Variants in GALNTL6 observed in about 807,000 individuals in gnomAD.
GALNTL6 encodes the protein polypeptide N-acetylgalactosaminyltransferase-like 6.
Under a neutral mutation model 73.7 loss-of-function variants are expected in GALNTL6, and 46 were observed. The observed-to-expected ratio is 0.62, with a 90% confidence interval of 0.49 to 0.80. The LOEUF (loss-of-function observed/expected upper bound fraction) is 0.80, where lower values mean the gene tolerates loss of function less well. Among genes scored for constraint, GALNTL6 ranks in the 30% least tolerant of loss-of-function variants. The probability of loss-of-function intolerance (pLI) is 0.00; values close to 1 mark genes in which losing one functional copy is unlikely to be tolerated. For missense variants in GALNTL6, 604 were observed against 755.0 expected (o/e 0.80, Z 2.34); for synonymous variants, 259 against 263.7 (o/e 0.98, Z 0.17).
intron 5 of GALNTL6, among the ~76,000 whole-genome samples, chr4:172,639,607 A>G (rs1389978446): frequency 1.3e-5 from 2 of 152,026 alleles, no homozygotes; most frequent in Admixed American, 6.6e-5. Flanking sequence ...CTAGTTCATT[A>G]TTACTTTACA....
intron 2 of GALNTL6, among the ~76,000 whole-genome samples, chr4:171,976,804 C>G (rs890348169): frequency 6.6e-6 from 1 of 152,116 alleles, no homozygotes; most frequent in Non-Finnish European, 1.5e-5. Flanking sequence ...AGATGTCATT[C>G]ATAACATGAA....
At chr4:172,276,027 C>A (rs1392951644) in intron 3 of GALNTL6, among the ~76,000 whole-genome samples, 1 of 152,136 alleles carries the variant, frequency 6.6e-6, no homozygotes, top group Non-Finnish European at 1.5e-5. Context: ...TTGCTTAATG[C>A]AATAGTTATA....
chr4:171,985,478 G>A (rs2111086542), intron 2 of GALNTL6, among the ~76,000 whole-genome samples: 1 of 152,292 alleles, frequency 6.6e-6, no homozygotes, highest in South Asian at 2.1e-4. Context: ...AGATTTGGGT[G>A]AGGACACAGC....
chr4:172,937,755 C>G (rs563775230), intron 9 of GALNTL6, among the ~76,000 whole-genome samples: 1 of 152,162 alleles, frequency 6.6e-6, no homozygotes, highest in Non-Finnish European at 1.5e-5. Flanking sequence ...GCCAGAATAT[C>G]ATGAGGATGA....
chr4:172,467,679 T>C (rs756644737), intron 5 of GALNTL6, among the ~76,000 whole-genome samples: 2 of 152,178 alleles, frequency 1.3e-5, no homozygotes, highest in Non-Finnish European at 2.9e-5. Context: ...AAAGAAACTT[T>C]ACCCCTTTCT....
At chr4:172,844,544 A>G (rs1200945777) in intron 7 of GALNTL6, among the ~76,000 whole-genome samples, 2 of 152,216 alleles carry the variant, frequency 1.3e-5, no homozygotes, top group East Asian at 3.8e-4. Context: ...GTTTCAAGTT[A>G]AAATTAATTT....
intron 5 of GALNTL6, among the ~76,000 whole-genome samples, chr4:172,619,923 T>C (rs1170824877): frequency 6.6e-6 from 1 of 152,214 alleles, no homozygotes; most frequent in Non-Finnish European, 1.5e-5. Context: ...GAAACCTTTC[T>C]CCTGTGTATA....
chr4:172,759,694 C>G (rs1481572031), intron 5 of GALNTL6, among the ~76,000 whole-genome samples: 3 of 151,962 alleles, frequency 2.0e-5, no homozygotes, highest in Non-Finnish European at 4.4e-5. Context: ...CCCATACTCT[C>G]AGGTACACAG....
intron 3 of GALNTL6, among the ~76,000 whole-genome samples, chr4:172,289,042 T>C (rs1285634642): frequency 3.3e-5 from 5 of 152,180 alleles, no homozygotes; most frequent in East Asian, 1.9e-4. Context: ...TTGTCTTTCA[T>C]AAATATTTGA....
chr4:172,839,494 T>C (rs1395457785), intron 7 of GALNTL6, among the ~76,000 whole-genome samples: 5 of 152,182 alleles, frequency 3.3e-5, no homozygotes, highest in Admixed American at 3.3e-4. Flanking sequence ...CATGGCCACA[T>C]AGAGGTGTGA....
At chr4:172,054,947 C>T (rs193152716) in intron 2 of GALNTL6, among the ~76,000 whole-genome samples, 5 of 152,210 alleles carry the variant, frequency 3.3e-5, no homozygotes, top group Admixed American at 2.6e-4. Flanking sequence ...ATGTAACAAA[C>T]TTTGACTGTC....
intron 2 of GALNTL6, among the ~76,000 whole-genome samples, chr4:171,915,153 T>C (rs1048992270): frequency 1.3e-5 from 2 of 152,222 alleles, no homozygotes; most frequent in African/African-American, 4.8e-5. Flanking sequence ...TGTTCATATA[T>C]CTTCTTACCC....
At chr4:172,012,294 G>C (rs1182500962) in intron 2 of GALNTL6, among the ~76,000 whole-genome samples, 1 of 152,034 alleles carries the variant, frequency 6.6e-6, no homozygotes, top group African/African-American at 2.4e-5. Context: ...CATCCTGAGA[G>C]CTCCCTTTTC....
intron 5 of GALNTL6, among the ~76,000 whole-genome samples, chr4:172,395,357 T>A (rs930122307): frequency 1.3e-5 from 2 of 152,204 alleles, no homozygotes; most frequent in African/African-American, 4.8e-5. Context: ...TTTTATTTAT[T>A]AGAGTCAAAC....
At chr4:172,874,187 G>T (rs1677517606) in intron 7 of GALNTL6, among the ~76,000 whole-genome samples, 1 of 152,172 alleles carries the variant, frequency 6.6e-6, no homozygotes, top group South Asian at 2.1e-4. Flanking sequence ...TCTCCATTAC[G>T]GATGAAGTCA....
At chr4:171,819,937 T>G (rs187314948) in intron 2 of GALNTL6, among the ~76,000 whole-genome samples, 30 of 152,246 alleles carry the variant, frequency 2.0e-4, no homozygotes, top group African/African-American at 6.0e-4. Flanking sequence ...TAAACAAAGG[T>G]GCAAGTGTGC....
intron 5 of GALNTL6, among the ~76,000 whole-genome samples, chr4:172,400,649 C>T (rs980460346): frequency 2.0e-5 from 3 of 151,958 alleles, no homozygotes; most frequent in Admixed American, 1.3e-4. Context: ...GATAGAGGAG[C>T]AGGAGAAGTG....
intron 7 of GALNTL6, among the ~76,000 whole-genome samples, chr4:172,843,408 T>C (rs768303975): frequency 2.0e-5 from 3 of 152,170 alleles, no homozygotes; most frequent in Non-Finnish European, 2.9e-5. Context: ...CTAATGAACA[T>C]GCACAAACCC....
intron 7 of GALNTL6, among the ~76,000 whole-genome samples, chr4:172,868,570 A>T (rs1014554814): frequency 2.6e-5 from 4 of 152,202 alleles, no homozygotes; most frequent in African/African-American, 9.7e-5. Flanking sequence ...AAATTCCAAG[A>T]ATTACTAGGG....
Sources: gnomAD v4.1 joint callset for allele counts (sites outside exome capture counted in the v4.1 genomes callset) on GRCh38, gnomAD v4.1.1 for gene constraint, MANE v1.5 for transcripts, NCBI Gene and HGNC (gene_info 2026-07-23, HGNC 2026-07-21) for gene names.